ESR1: variants seen among roughly 807,000 people sequenced by gnomAD.
ESR1 encodes the protein estrogen receptor 1.
In ESR1, 12 loss-of-function variants were observed where a neutral mutation model predicts 52.7. The observed-to-expected ratio is 0.23, with a 90% CI of 0.15 to 0.37. The LOEUF (loss-of-function observed/expected upper bound fraction) is 0.37, where lower values mean the gene tolerates loss of function less well. ESR1 is among the 10% of genes least tolerant of loss of function. The pLI is 1.00. For synonymous variants in ESR1, 305 were observed against 316.8 expected, an observed-to-expected ratio of 0.96 and a Z score of 0.39; for missense variants, 584 against 779.7, an observed-to-expected ratio of 0.75 and a Z score of 2.99.
chr6:151,757,207 A>G (rs1162773260), intron 2 of ESR1, among the ~76,000 whole-genome samples: 1 of 149,248 alleles, frequency 6.7e-6, no homozygotes, highest in African/African-American at 2.5e-5. Flanking sequence ...CACACCTTTT[A>G]CTGGTACTGA....
chr6:151,829,275 C>T (rs1012149018), intron 1 of ESR1, among the ~76,000 whole-genome samples: 6 of 152,128 alleles, frequency 3.9e-5, no homozygotes, highest in Non-Finnish European at 7.3e-5. Context: ...ATTCAAGTTC[C>T]CACCTCCATC....
chr6:151,913,862 A>C (rs1798651420), intron 3 of ESR1, among the ~76,000 whole-genome samples: 2 of 152,212 alleles, frequency 1.3e-5, no homozygotes, highest in Non-Finnish European at 2.9e-5. Flanking sequence ...TAGTTAAAAA[A>C]TGATTCCTTT....
chr6:152,096,435 T>C (rs891415404), intron 7 of ESR1, among the ~76,000 whole-genome samples: 4 of 152,214 alleles, frequency 2.6e-5, no homozygotes, highest in African/African-American at 9.7e-5. Context: ...CTTTAAAAAT[T>C]ATTAGCTCCT....
intron 2 of ESR1, among the ~76,000 whole-genome samples, chr6:151,765,365 G>A (rs1784968696): frequency 6.6e-6 from 1 of 152,074 alleles, no homozygotes; most frequent in Non-Finnish European, 1.5e-5. Context: ...TTAAATCAAT[G>A]AAATTAATTA....
intron 1 of ESR1, among the ~76,000 whole-genome samples, chr6:151,681,354 C>T (rs1265325260): frequency 6.6e-6 from 1 of 151,832 alleles, no homozygotes; most frequent in African/African-American, 2.4e-5. Flanking sequence ...TCTGAGATGA[C>T]TGATGAAAGC....
chr6:152,098,621 A>G lies in ESR1; in HGVS notation c.1554-111A>G. The G allele has an allele frequency of 1.1e-6, 1 of 888,156 alleles. No individual in the cohort carries two copies. The highest frequency in any genetic ancestry group is 1.8e-6 in the Non-Finnish European group (1 of 549,384). The allele number at this position is 888,156 out of a possible 1,614,324, so 55.0% of individuals were successfully genotyped here. The stretch of plus-strand genomic sequence containing the variant: ...TGGGTCTTTAAACAGGAAGAAAGAA[A>G]GATTGCTAAGTGTCTTTGGAGTTCC... On this transcript the variant is annotated intron_variant, in intron 7 of 7. Transcript: ENST00000206249. The surrounding 1 kb of genome is among the most constrained non-coding windows in gnomAD (Gnocchi z 5.1).
intron 2 of ESR1, among the ~76,000 whole-genome samples, chr6:151,737,822 A>T (rs1013110851): frequency 5.3e-5 from 8 of 152,210 alleles, no homozygotes; most frequent in African/African-American, 1.9e-4. Flanking sequence ...ATTATTCCAT[A>T]TTAATAATCA....
chr6:151,944,920 A>T (rs996874812), intron 4 of ESR1, among the ~76,000 whole-genome samples: 10 of 152,316 alleles, frequency 6.6e-5, no homozygotes, highest in South Asian at 2.1e-4. Flanking sequence ...ATTTTATCTT[A>T]AAAAGATTTT....
intron 4 of ESR1, among the ~76,000 whole-genome samples, chr6:151,957,033 C>T (rs956967290): frequency 1.9e-4 from 20 of 107,792 alleles, no homozygotes; most frequent in Admixed American, 7.4e-4. Context: ...CCCGCCACCA[C>T]GCCCGGCTAA....
chr6:151,727,043 A>G (rs1184458235), intron 2 of ESR1, among the ~76,000 whole-genome samples: 1 of 152,218 alleles, frequency 6.6e-6, no homozygotes, highest in African/African-American at 2.4e-5. Context: ...CTTGGCTAAC[A>G]GCAATTAAAA....
At chr6:151,976,025 T>C (rs187617547) in intron 4 of ESR1, among the ~76,000 whole-genome samples, 19 of 152,298 alleles carry the variant, frequency 1.2e-4, no homozygotes, top group African/African-American at 4.3e-4. Flanking sequence ...AGATATATAA[T>C]ATTACATTGG....
intron 6 of ESR1, among the ~76,000 whole-genome samples, chr6:152,076,892 G>A (rs1177681724): frequency 6.6e-6 from 1 of 152,164 alleles, no homozygotes; most frequent in Non-Finnish European, 1.5e-5. Context: ...AAGAGAAACA[G>A]CATAAAAGTT....
At chr6:151,844,965 TAGAG>T (rs1310444752) in intron 2 of ESR1, among the ~76,000 whole-genome samples, 1 of 151,702 alleles carries the variant, frequency 6.6e-6, no homozygotes, top group Non-Finnish European at 1.5e-5. Context: ...AGGAAAACAA[TAGAG>T]AGATGTAAGA....
At chr6:151,767,507 A>C (rs1785161381) in intron 2 of ESR1, among the ~76,000 whole-genome samples, 1 of 152,228 alleles carries the variant, frequency 6.6e-6, no homozygotes, top group South Asian at 2.1e-4. Flanking sequence ...AAAGAAAAAA[A>C]AGATATAGTG....
chr6:151,774,694 G>C (rs2504066), intron 2 of ESR1, among the ~76,000 whole-genome samples: 64,934 of 151,992 alleles, frequency 0.43, 14,509 homozygotes, highest in Non-Finnish European at 0.48. Flanking sequence ...TTCATCCATG[G>C]TGTTGAACAT....
chr6:152,044,007 G>A (rs902535254), intron 5 of ESR1, among the ~76,000 whole-genome samples: 1 of 152,160 alleles, frequency 6.6e-6, no homozygotes, highest in Non-Finnish European at 1.5e-5. Flanking sequence ...CTCAGAATGT[G>A]GTTCTGGAGC....
chr6:151,679,513 C>T (rs1778377195), intron 1 of ESR1, among the ~76,000 whole-genome samples: 1 of 152,054 alleles, frequency 6.6e-6, no homozygotes, highest in African/African-American at 2.4e-5. Flanking sequence ...CCACACCCAG[C>T]TAATTTTTGT....
At chr6:152,080,352 T>G (rs1458624587) in intron 6 of ESR1, among the ~76,000 whole-genome samples, 1 of 151,806 alleles carries the variant, frequency 6.6e-6, no homozygotes, top group Non-Finnish European at 1.5e-5. Flanking sequence ...TTCTTAAAAA[T>G]TCTTAAAAAA....
rs2128528547 is a variant in ESR1 at position 151,944,393 on chromosome 6, C to G, written c.981C>G (p.Leu327=). The part of the protein sequence containing the change: ...SALLDAEPPI[L]YSEYDPTRPF... ...TGTTGGATGCTGAGCCCCCGATACT[C>G]TATTCCGAGTATGATCCTACCAGAC... Residue 327 remains leucine (L), a synonymous_variant, in exon 4 of 8, where the codon CTC becomes CTG. Coordinates refer to ENST00000206249, the MANE Select transcript of ESR1 (RefSeq NM_000125.4). The G allele has an allele frequency of 1.2e-6, 2 of 1,614,020 alleles. No individual in the cohort carries two copies. The highest frequency in any genetic ancestry group is 1.3e-5 in the African/African-American group (1 of 75,040).
Sources: allele counts gnomAD v4.1 joint callset (sites outside exome capture counted in the v4.1 genomes callset), GRCh38; gene constraint gnomAD v4.1.1; non-coding constraint Gnocchi (gnomAD v3.1); transcripts MANE v1.5; gene names NCBI Gene and HGNC (gene_info 2026-07-23, HGNC 2026-07-21).